The following RBFOX1 variants were observed in gnomAD, a reference collection of about 807,000 sequenced individuals.
RBFOX1 encodes the protein RNA binding fox-1 homolog 1.
RBFOX1 carries 8 observed loss-of-function variants against 57.7 expected under a neutral mutation model. The ratio of observed to expected loss-of-function variants is 0.14; its 90% CI spans 0.08 to 0.25. The LOEUF (loss-of-function observed/expected upper bound fraction) is 0.25, where lower values mean the gene tolerates loss of function less well. Ranked by LOEUF, RBFOX1 falls within the 10% of genes least tolerant of loss-of-function variation. The probability of loss-of-function intolerance (pLI) is 1.00; values close to 1 mark genes in which losing one functional copy is unlikely to be tolerated. For missense variants in RBFOX1, 611 were observed against 548.5 expected (o/e 1.11, Z -1.14); for synonymous variants, 326 against 222.4 (o/e 1.47, Z -4.15).
chr16:7,637,496 G>C (rs998322259), intron 11 of RBFOX1, among the ~76,000 whole-genome samples: 2 of 152,114 alleles, frequency 1.3e-5, no homozygotes, highest in Non-Finnish European at 2.9e-5. Flanking sequence ...CATAAATCAG[G>C]CCTGTACTAT....
At chr16:6,038,199 A>T (rs1185607295) in intron 1 of RBFOX1, 1 of 144,992 alleles carries the variant, frequency 6.9e-6, no homozygotes, top group Non-Finnish European at 1.5e-5. Flanking sequence ...TTTTTTTGAG[A>T]TGGCATCTAA....
chr16:6,561,473 C>T (rs1567688462), intron 2 of RBFOX1, among the ~76,000 whole-genome samples: 1 of 152,128 alleles, frequency 6.6e-6, no homozygotes, highest in Non-Finnish European at 1.5e-5. Context: ...GAAACCTTCC[C>T]TGTTGTTAGT....
intron 1 of RBFOX1, among the ~76,000 whole-genome samples, chr16:6,190,067 C>T (rs1474193061): frequency 6.6e-6 from 1 of 152,102 alleles, no homozygotes; most frequent in South Asian, 2.1e-4. Context: ...TGTGTGAATT[C>T]AGGTGTGCAG....
chr16:6,170,741 C>T (rs535116988), intron 1 of RBFOX1, among the ~76,000 whole-genome samples: 1 of 152,082 alleles, frequency 6.6e-6, no homozygotes, highest in East Asian at 1.9e-4. Flanking sequence ...TCTCTCCCTC[C>T]TCCCACCCTC....
rs961296051 is a variant in RBFOX1, at chr16:7,115,720, A to G, written c.27+63622A>G. Reference sequence around the variant, plus strand: ...ATCCAGTCGCTTTTATTGCTGATTTAGGAGGTGACATTCCATTTCTCATGC... The same window carrying G: ...ATCCAGTCGCTTTTATTGCTGATTTGGGAGGTGACATTCCATTTCTCATGC... On this transcript the variant is annotated intron_variant, in intron 4 of 15. Transcript: ENST00000550418. 5.3e-5 allele frequency among the ~76,000 whole-genome samples: 8 copies of G among 151,744 alleles called. No individual in the cohort carries two copies. The South Asian group carries it at 1.1e-3, about 20-fold the overall frequency.
Position 7,131,883 on chromosome 16 carries a change from T to TA in RBFOX1, c.27+79786dup, listed in dbSNP as rs1170710112. 5.3e-5 allele frequency among the ~76,000 whole-genome samples: 8 copies of TA among 152,096 alleles called. No homozygotes were observed. In the East Asian group the frequency reaches 9.7e-4, roughly 18 times the overall value. The stretch of plus-strand genomic sequence containing the variant: ...TTCCAGAGGGGCACATCTTAGCTTC[T>TA]AGGGGGTGAGAGGCTTCCCAGTATC... On this transcript the variant is annotated intron_variant, in intron 4 of 15. Transcript: ENST00000550418.
At chr16:6,536,557 GT>G (rs55730249) in intron 2 of RBFOX1, among the ~76,000 whole-genome samples, 4,857 of 149,850 alleles carry the variant, frequency 0.032, 229 homozygotes, top group African/African-American at 0.091. Flanking sequence ...GGCCCAGGAG[GT>G]TTTTTTTTTC....
intron 3 of RBFOX1, among the ~76,000 whole-genome samples, chr16:6,859,130 C>CGTATATATATCT (rs1238966168): frequency 1.2e-5 from 1 of 82,482 alleles, no homozygotes; most frequent in African/African-American, 6.8e-5. Flanking sequence ...TATATATATA[C>CGTATATATATCT]ATATATATAC....
intron 4 of RBFOX1, among the ~76,000 whole-genome samples, chr16:7,056,257 C>T (rs1489470550): frequency 6.6e-6 from 1 of 152,166 alleles, no homozygotes; most frequent in African/African-American, 2.4e-5. Flanking sequence ...GGATTACTTA[C>T]ATCGCTCGGT....
intron 5 of RBFOX1, among the ~76,000 whole-genome samples, chr16:7,534,515 C>T (rs940522434): frequency 1.3e-5 from 2 of 152,056 alleles, no homozygotes; most frequent in East Asian, 1.9e-4. Context: ...ATAACTTCCC[C>T]TGTAGCTAGA....
chr16:6,357,316 G>A (rs2087521720), intron 2 of RBFOX1, among the ~76,000 whole-genome samples: 1 of 152,068 alleles, frequency 6.6e-6, no homozygotes, highest in African/African-American at 2.4e-5. Context: ...AGACTGGGGA[G>A]CCAGGTGATT....
chr16:7,126,831 A>T (rs912984302), intron 4 of RBFOX1, among the ~76,000 whole-genome samples: 18 of 151,666 alleles, frequency 1.2e-4, no homozygotes, highest in Non-Finnish European at 2.6e-4. Context: ...ATACGGTGAA[A>T]CCTCATCTCT....
At chr16:7,539,028 C>T (rs8061214) in intron 5 of RBFOX1, among the ~76,000 whole-genome samples, 122,789 of 151,942 alleles carry the variant, frequency 0.81, 50,888 homozygotes, top group Middle Eastern at 0.92. Context: ...AGCTGCATAT[C>T]TGATAAAGCT....
chr16:6,189,831 A>G (rs933575332), intron 1 of RBFOX1, among the ~76,000 whole-genome samples: 3 of 152,160 alleles, frequency 2.0e-5, no homozygotes, highest in Non-Finnish European at 4.4e-5. Context: ...ATGGTTAAAC[A>G]TATATTTTGT....
At chr16:6,816,887 G>C (rs950445500) in intron 3 of RBFOX1, among the ~76,000 whole-genome samples, 5 of 152,050 alleles carry the variant, frequency 3.3e-5, no homozygotes, top group South Asian at 2.1e-4. Context: ...TGGGACTAAA[G>C]GTAAATACCA....
intron 4 of RBFOX1, among the ~76,000 whole-genome samples, chr16:7,430,758 T>C (rs189394928): frequency 1.2e-3 from 179 of 151,916 alleles, no homozygotes; most frequent in Non-Finnish European, 2.3e-3. Context: ...GTGGCCAGGG[T>C]CCACACAGGA....
At chr16:7,619,317 G>A (rs1181130974) in intron 10 of RBFOX1, among the ~76,000 whole-genome samples, 2 of 152,110 alleles carry the variant, frequency 1.3e-5, no homozygotes, top group African/African-American at 4.8e-5. Context: ...TTTTGAAAAT[G>A]ATTTTCACTA....
At chr16:7,490,017 A>C (rs2066504989) in intron 4 of RBFOX1, among the ~76,000 whole-genome samples, 1 of 152,166 alleles carries the variant, frequency 6.6e-6, no homozygotes, top group South Asian at 2.1e-4. Context: ...ATGGACAGAA[A>C]GGTAGACCTG....
rs191609023 is a variant in RBFOX1 at position 6,860,970 on chromosome 16, G to C, written c.-15-191087G>C. ...GGGGTCTATGCATATATGGTAAAACGAGATAGAGCTATGTGGGAATGATAC... is the reference window on the plus strand; with the variant it reads ...GGGGTCTATGCATATATGGTAAAACCAGATAGAGCTATGTGGGAATGATAC... On this transcript the variant is annotated intron_variant, in intron 3 of 15. Coordinates refer to ENST00000550418, the MANE Select transcript of RBFOX1 (RefSeq NM_018723.4). Among the ~76,000 whole-genome samples the C allele has an allele frequency of 7.9e-3, 1,209 of 152,172 alleles. 7 individuals are homozygous for C. The highest frequency in any genetic ancestry group is 0.013 in the Non-Finnish European group (866 of 68,016).
Sources: gnomAD v4.1 joint callset for allele counts (sites outside exome capture counted in the v4.1 genomes callset) on GRCh38, gnomAD v4.1.1 for gene constraint, MANE v1.5 for transcripts, NCBI Gene and HGNC (gene_info 2026-07-23, HGNC 2026-07-21) for gene names.